TIPRL: variants seen among roughly 807,000 people sequenced by gnomAD.
The protein encoded by TIPRL is TIP41-like protein.
In TIPRL, 10 loss-of-function variants were observed where a neutral mutation model predicts 32.3. The observed-to-expected ratio is 0.31, with a 90% CI of 0.19 to 0.52. The LOEUF (loss-of-function observed/expected upper bound fraction) is 0.52. TIPRL is among the 20% of genes least tolerant of loss of function. The probability of loss-of-function intolerance (pLI) is 0.96; values close to 1 mark genes in which losing one functional copy is unlikely to be tolerated. For synonymous variants in TIPRL, 100 were observed against 114.0 expected (o/e 0.88, Z 0.78); for missense variants, 250 against 328.1 (o/e 0.76, Z 1.84).
rs556762029 is a variant in TIPRL at position 168,192,759 on chromosome 1, G to A, written c.516+1259G>A. 1.1e-4 allele frequency among the ~76,000 whole-genome samples: 16 copies of A among 152,158 alleles called. No homozygotes were observed. In the South Asian group the frequency reaches 2.9e-3, roughly 28 times the overall value. On this transcript the variant is annotated intron_variant, in intron 4 of 6. Transcript: ENST00000367833. ...AAATTAGCTGGGCGCAGTGGCGGGC[G>A]CCTGTAGTCCCAGCTACCCGGGAGG...
At chr1:168,189,763 T>C (rs1434191368) in intron 3 of TIPRL, among the ~76,000 whole-genome samples, 1 of 152,226 alleles carries the variant, frequency 6.6e-6, no homozygotes, top group Non-Finnish European at 1.5e-5. Flanking sequence ...TTTAGACATA[T>C]TTAGCCTTGC....
rs1311817536 is a variant in TIPRL at position 168,184,071 on chromosome 1, C to A, written c.274C>A (p.Gln92Lys). The A allele has an allele frequency of 7.5e-6, 12 of 1,599,980 alleles. No homozygotes were observed. The highest frequency in any genetic ancestry group is 3.4e-5 in the Admixed American group (2 of 59,596). Reference sequence around the variant, plus strand: ...TAAAGTGGCCTGTGCTGAAGAGTGGCAAGAAAGCAGGTGAGAATCCGGTCA... The same window carrying A: ...TAAAGTGGCCTGTGCTGAAGAGTGGAAAGAAAGCAGGTGAGAATCCGGTCA... ...MLKVACAEEW[Q>K]ESRTEGEHSK... The change falls in exon 2 of 7, where the codon CAA becomes AAA. Residue 92 changes from glutamine (Q) to lysine (K), a missense_variant. By Grantham distance (53) the Gln-to-Lys change is moderately conservative. Coordinates refer to ENST00000367833, the MANE Select transcript of TIPRL (RefSeq NM_152902.5).
rs761034541 is a variant in TIPRL at position 168,191,479 on chromosome 1, T to A, written c.495T>A (p.Val165=). 3 of 1,510,148 alleles carry A rather than the reference T, an allele frequency of 2.0e-6. No homozygotes were observed. In the Admixed American group the frequency reaches 7.8e-5, roughly 39 times the overall value. The allele number at this position is 1,510,148 out of a possible 1,614,324, so 93.5% of individuals were successfully genotyped here. The change falls in exon 4 of 7, where the codon GTT becomes GTA. Residue 165 remains valine (V), a synonymous_variant. Coordinates refer to ENST00000367833, the MANE Select transcript of TIPRL (RefSeq NM_152902.5). ...LFEDELHDHG[V]SSLSVKIRVM... is the part of the protein sequence containing the mutation. ...AGGATGAACTTCATGATCATGGAGT[T>A]TCAAGCCTGAGTGTGAAGATTGTGA...
At chr1:168,188,668 T>G (rs549227313) in intron 3 of TIPRL, among the ~76,000 whole-genome samples, 4 of 152,246 alleles carry the variant, frequency 2.6e-5, no homozygotes, top group African/African-American at 9.6e-5. Flanking sequence ...GAGTTTGAGG[T>G]GTACTGGGCC....
chr1:168,197,054 C>T (rs1401684985), intron 5 of TIPRL, among the ~76,000 whole-genome samples: 1 of 152,230 alleles, frequency 6.6e-6, no homozygotes, highest in East Asian at 1.9e-4. Context: ...TAGCTCACGC[C>T]TGTAATCCCG....
In TIPRL at chr1:168,201,032, T is replaced by TA. The variant is rs1287633191; in HGVS notation, c.*990dup. 2.0e-5 allele frequency: 3 copies of TA among 152,130 alleles called. No individual in the cohort carries two copies. Among genetic ancestry groups the TA allele is most frequent in the Non-Finnish European group, 2.9e-5 (2 of 67,980 alleles). The allele number at this position is 152,130 out of a possible 1,614,324, so 9.4% of individuals were successfully genotyped here. The stretch of plus-strand genomic sequence containing the variant: ...ATTTGTAACATTACAGGGGATGAAG[T>TA]AAAATGTAATTAATTAGCACAAGAC... On this transcript the variant is annotated 3_prime_UTR_variant, in exon 7 of 7. Transcript: ENST00000367833.
At chr1:168,186,716 G>A (rs1373467710) in intron 3 of TIPRL, among the ~76,000 whole-genome samples, 2 of 151,794 alleles carry the variant, frequency 1.3e-5, no homozygotes, top group African/African-American at 4.8e-5. Context: ...GAGGTTAGGA[G>A]CTGGAGACTG....
intron 3 of TIPRL, among the ~76,000 whole-genome samples, chr1:168,190,785 GCTACAAAATA>G (rs1294030645): frequency 6.6e-6 from 1 of 152,150 alleles, no homozygotes; most frequent in Non-Finnish European, 1.5e-5. Flanking sequence ...ATGTCTTAGA[GCTACAAAATA>G]ATACCTTGAA....
At chr1:168,194,289 G>A (rs888549498) in intron 4 of TIPRL, among the ~76,000 whole-genome samples, 3 of 152,166 alleles carry the variant, frequency 2.0e-5, no homozygotes, top group Admixed American at 1.3e-4. Context: ...CAGATCTGTC[G>A]TTCTGGTCCT....
At chr1:168,196,504 A>T in intron 4 of TIPRL, 43 bp from the exon 5 acceptor site, 1 of 1,371,674 alleles carries the variant, frequency 7.3e-7, no homozygotes, top group Non-Finnish European at 9.7e-7. Context: ...TAAAATGTTT[A>T]ATTTTTATTA....
intron 3 of TIPRL, 147 bp from the exon 4 acceptor site, chr1:168,191,222 T>C: frequency 1.9e-6 from 1 of 539,836 alleles, no homozygotes; most frequent in Non-Finnish European, 3.0e-6. Context: ...CTTTTATATC[T>C]ACTAATGACA....
At position 168,200,369 on chromosome 1, in the gene TIPRL, A is replaced by C. The variant is rs1410222299; in HGVS notation, c.*323A>C. The C allele has an allele frequency of 5.3e-6, 1 of 186,922 alleles. No individual in the cohort carries two copies. Among genetic ancestry groups the C allele is most frequent in the African/African-American group, 2.4e-5 (1 of 42,274 alleles). The allele number at this position is 186,922 out of a possible 1,614,324, so 11.6% of individuals were successfully genotyped here. Reference sequence around the variant, plus strand: ...CAGTCTGCATTCATCATGAAACACTATCTTCTACCAGGAGGAGGTTAATGT... The same window carrying C: ...CAGTCTGCATTCATCATGAAACACTCTCTTCTACCAGGAGGAGGTTAATGT... On this transcript the variant is annotated 3_prime_UTR_variant, in exon 7 of 7. Coordinates refer to ENST00000367833, the MANE Select transcript of TIPRL (RefSeq NM_152902.5).
At chr1:168,192,444 G>A in intron 4 of TIPRL, 1 of 990,920 alleles carries the variant, frequency 1.0e-6, no homozygotes, top group South Asian at 4.6e-5. Context: ...ATTATAATTG[G>A]GTCTCTAATA....
At chr1:168,179,295 T>C (rs1699931096) in intron 1 of TIPRL, 114 bp downstream of exon 1, 4 of 841,254 alleles carry the variant, frequency 4.8e-6, no homozygotes, top group South Asian at 3.3e-5. Flanking sequence ...GTTCGGTCCC[T>C]CCGGACCGGA....
At chr1:168,197,467 C>T (rs1700170849) in intron 5 of TIPRL, among the ~76,000 whole-genome samples, 1 of 151,960 alleles carries the variant, frequency 6.6e-6, no homozygotes, top group South Asian at 2.1e-4. Flanking sequence ...TGGCAAAGTA[C>T]TAAACATAAG....
At chr1:168,190,707 G>A (rs531300083) in intron 3 of TIPRL, among the ~76,000 whole-genome samples, 1 of 152,222 alleles carries the variant, frequency 6.6e-6, no homozygotes, top group African/African-American at 2.4e-5. Flanking sequence ...GGAGACACTT[G>A]AGTTTAATGA....
chr1:168,197,504 A>G (rs914318195), intron 5 of TIPRL, among the ~76,000 whole-genome samples: 23 of 152,034 alleles, frequency 1.5e-4, no homozygotes, highest in Admixed American at 1.4e-3. Context: ...CAGAAAGAGA[A>G]ATCTAAATTT....
chr1:168,186,053 C>T (rs377386392), intron 3 of TIPRL, among the ~76,000 whole-genome samples: 36 of 119,258 alleles, frequency 3.0e-4, no homozygotes, highest in East Asian at 1.5e-3. Flanking sequence ...CCAGCCTGGG[C>T]GACAGAGCGA....
At chr1:168,185,705 G>A (rs1420361698) in intron 3 of TIPRL, among the ~76,000 whole-genome samples, 1 of 151,014 alleles carries the variant, frequency 6.6e-6, no homozygotes, top group Non-Finnish European at 1.5e-5. Context: ...GGGAGGTGGA[G>A]GTTGCAGTGG....
Sources: allele counts gnomAD v4.1 joint callset (sites outside exome capture counted in the v4.1 genomes callset), GRCh38; gene constraint gnomAD v4.1.1; transcripts MANE v1.5; gene names NCBI Gene and HGNC (gene_info 2026-07-23, HGNC 2026-07-21).